Variants in BSN observed in about 807,000 individuals in gnomAD.
BSN encodes bassoon presynaptic cytomatrix protein.
A neutral mutation model predicts 264.8 loss-of-function variants in BSN; 57 were observed. The ratio of observed to expected loss-of-function variants is 0.22; its 90% CI spans 0.17 to 0.27. The LOEUF is 0.27. BSN is among the 10% of genes least tolerant of loss of function. The probability of loss-of-function intolerance (pLI) is 1.00; values close to 1 mark genes in which losing one functional copy is unlikely to be tolerated. For missense variants in BSN, 4,615 were observed against 5,232.5 expected (o/e 0.88, Z 3.64); for synonymous variants, 2,059 against 2,137.3 (o/e 0.96, Z 1.01).
chr3:49,664,762 A>G (rs1183888477), intron 9 of BSN, 37 bp from the exon 10 acceptor site: 1 of 1,613,304 alleles, frequency 6.2e-7, no homozygotes, highest in Non-Finnish European at 8.5e-7. Flanking sequence ...GGTCTGGCCC[A>G]ATTTCCTGAT....
chr3:49,585,988 A>G lies in BSN; in HGVS notation c.224+31162A>G, dbSNP rs1370104156. 6.6e-6 allele frequency among the ~76,000 whole-genome samples: 1 copy of G among 151,924 alleles called. No homozygotes were observed. The highest frequency in any genetic ancestry group is 1.5e-5 in the Non-Finnish European group (1 of 67,986). Reference sequence around the variant, plus strand: ...ATATAGTTGTTTGAGCTCCTTATATATTTTGGTTATTAATCACTTGTCAGA... The same window carrying G: ...ATATAGTTGTTTGAGCTCCTTATATGTTTTGGTTATTAATCACTTGTCAGA... On this transcript the variant is annotated intron_variant, in intron 1 of 11. Coordinates refer to ENST00000296452, the MANE Select transcript of BSN (RefSeq NM_003458.4). This position sits in a 1 kb window ranked among gnomAD's most constrained non-coding sequence, Gnocchi z 4.7.
chr3:49,656,578 C>T lies in BSN; in HGVS notation c.7022C>T (p.Ala2341Val), dbSNP rs1439871110. 7.6e-6 allele frequency: 12 copies of T among 1,588,668 alleles called. 1 individual carries two copies. The highest frequency in any genetic ancestry group is 5.3e-5 in the Admixed American group (3 of 56,726). ...GGCCAGAAGCCACCAGCAGATGCTGCTCCTGGGGGTGGCAGTGGGGCCCTC... is the reference window on the plus strand; with the variant it reads ...GGCCAGAAGCCACCAGCAGATGCTGTTCCTGGGGGTGGCAGTGGGGCCCTC... ...LAGQKPPADA[A>V]PGGGSGALSR... is the part of the protein sequence containing the mutation. Residue 2341 changes from alanine to valine, a missense_variant, in exon 5 of 12, where the codon GCT (alanine) becomes GTT (valine). By Grantham distance (64) the Ala-to-Val change is moderately conservative. Around this residue, in one of 3 missense-constraint regions of BSN, gnomAD observed 3,415 missense variants for 3,866.4 expected, o/e 0.88. Transcript: ENST00000296452.
At chr3:49,611,097 A>G (rs1236448453) in intron 1 of BSN, among the ~76,000 whole-genome samples, 4 of 152,164 alleles carry the variant, frequency 2.6e-5, no homozygotes, top group Admixed American at 2.6e-4. Flanking sequence ...TTCTGGGTCA[A>G]AGTCCTGGCT....
In BSN at chr3:49,661,291, C is replaced by T. The variant is rs755682920; in HGVS notation, c.9446C>T (p.Ser3149Leu). 26 of 1,613,776 alleles carry T rather than the reference C, an allele frequency of 1.6e-5. No homozygotes were observed. The highest frequency in any genetic ancestry group is 6.6e-5 in the South Asian group (6 of 91,092). Residue 3149 changes from serine (S) to leucine (L), a missense_variant, in exon 6 of 12, where the codon TCG becomes TTG. Coordinates refer to ENST00000296452, the MANE Select transcript of BSN (RefSeq NM_003458.4). ...CCACTGCAGAAGCCACGCCAGACAT[C>T]GCTAGCCGACTTGGAGCAGAAGGTG... ...RAPLQKPRQTSLADLEQKVPT... is the reference protein window; with the variant it reads ...RAPLQKPRQTLLADLEQKVPT...
intron 1 of BSN, among the ~76,000 whole-genome samples, chr3:49,605,765 TA>T (rs1189456169): frequency 2.8e-4 from 22 of 78,716 alleles, no homozygotes; most frequent in Admixed American, 4.9e-4. Context: ...TAAATATATA[TA>T]AAAATATATA....
chr3:49,613,303 C>CGAGAGAGAGAGAGAGAGAGAGAGAGAGA lies in BSN; in HGVS notation c.225-11653_225-11626dup, dbSNP rs752108805. Among the ~76,000 whole-genome samples, 33 of 47,344 alleles carry CGAGAGAGAGAGAGAGAGAGAGAGAGAGA rather than the reference C, an allele frequency of 7.0e-4. 9 individuals are homozygous for CGAGAGAGAGAGAGAGAGAGAGAGAGAGA. Among genetic ancestry groups the CGAGAGAGAGAGAGAGAGAGAGAGAGAGA allele is most frequent in the East Asian group, 4.2e-3 (4 of 948 alleles). The allele number at this position is 47,344 out of a possible 152,430, so 31.1% of individuals were successfully genotyped here. On this transcript the variant is annotated intron_variant, in intron 1 of 11. Coordinates refer to ENST00000296452, the MANE Select transcript of BSN (RefSeq NM_003458.4). Reference sequence around the variant, plus strand: ...TATATATATATATACACACACAGAGCGAGAGAGAGAGAGAGAGAGAGAGAG... The same window carrying CGAGAGAGAGAGAGAGAGAGAGAGAGAGA: ...TATATATATATATACACACACAGAGCGAGAGAGAGAGAGAGAGAGAGAGAGAGAGAGAGAGAGAGAGAGAGAGAGAGAG...
At chr3:49,561,822 T>C (rs1481367097) in intron 1 of BSN, among the ~76,000 whole-genome samples, 1 of 152,160 alleles carries the variant, frequency 6.6e-6, no homozygotes, top group Non-Finnish European at 1.5e-5. Context: ...TTTCTTTTTT[T>C]TTTGAGACAA....
intron 1 of BSN, among the ~76,000 whole-genome samples, chr3:49,575,524 GTA>G (rs967855074): frequency 2.7e-5 from 4 of 146,646 alleles, no homozygotes; most frequent in African/African-American, 1.0e-4. Flanking sequence ...ATATATGTGT[GTA>G]TATATGTAAA....
At chr3:49,558,171 T>C (rs2051688597) in intron 1 of BSN, among the ~76,000 whole-genome samples, 1 of 151,702 alleles carries the variant, frequency 6.6e-6, no homozygotes, top group Admixed American at 6.6e-5. Flanking sequence ...TTAGGAGAGG[T>C]AGAGATGTAA....
Position 49,661,009 on chromosome 3 carries a change from G to A in BSN, c.9164G>A (p.Arg3055His), listed in dbSNP as rs866268771. Residue 3055 changes from arginine to histidine, a missense_variant, in exon 6 of 12, where the codon CGC becomes CAC. Arg to His is a conservative substitution (Grantham distance 29). Around this residue, in one of 3 missense-constraint regions of BSN, gnomAD observed 3,415 missense variants for 3,866.4 expected, o/e 0.88. Transcript: ENST00000296452. ...GGTCCCACTGCCTTCCAGCAGCCCC[G>A]CTTCCAGCCTCCAGCCCCACAGTAT... ...PSGPTAFQQP[R>H]FQPPAPQYSA... The A allele has an allele frequency of 9.3e-6, 15 of 1,610,768 alleles. No individual in the cohort carries two copies. The African/African-American group carries it at 1.2e-4, about 13-fold the overall frequency.
chr3:49,601,226 G>A (rs775495292), intron 1 of BSN, among the ~76,000 whole-genome samples: 3 of 152,226 alleles, frequency 2.0e-5, no homozygotes, highest in Non-Finnish European at 4.4e-5. Flanking sequence ...GAGAAAGGCA[G>A]CTAGTGGCTT....
At chr3:49,593,951 C>T (rs566107898) in intron 1 of BSN, among the ~76,000 whole-genome samples, 4 of 151,726 alleles carry the variant, frequency 2.6e-5, no homozygotes, top group South Asian at 4.2e-4. Flanking sequence ...TACAGGCACC[C>T]GCCACCACGC....
chr3:49,657,076 A>G lies in BSN; in HGVS notation c.7520A>G (p.His2507Arg), dbSNP rs747503341. 4.3e-6 allele frequency: 7 copies of G among 1,609,744 alleles called. No individual in the cohort carries two copies. Among genetic ancestry groups the G allele is most frequent in the African/African-American group, 1.3e-5 (1 of 74,988 alleles). Reference protein sequence around the residue: ...QNGQYWPPLTHAAFIAMAGPE... With the variant: ...QNGQYWPPLTRAAFIAMAGPE... ...GGCCAGTATTGGCCCCCCCTTACAC[A>G]TGCAGCCTTCATTGCCATGGCAGGG... Residue 2507 changes from histidine to arginine, a missense_variant, in exon 5 of 12, where the codon CAT (histidine) becomes CGT (arginine). Around this residue, in one of 3 missense-constraint regions of BSN, gnomAD observed 3,415 missense variants for 3,866.4 expected, o/e 0.88. Coordinates refer to ENST00000296452, the MANE Select transcript of BSN (RefSeq NM_003458.4).
intron 1 of BSN, 144 bp from the exon 2 acceptor site, chr3:49,624,831 A>G (rs2052330347): frequency 1.3e-6 from 1 of 741,292 alleles, no homozygotes; most frequent in East Asian, 3.0e-5. Context: ...CACAGGACAC[A>G]GCAAATGAGG....
chr3:49,656,495 A>G lies in BSN; in HGVS notation c.6939A>G (p.Thr2313=), dbSNP rs774342297. 7 of 1,593,772 alleles carry G rather than the reference A, an allele frequency of 4.4e-6. No homozygotes were observed. The Middle Eastern group carries it at 5.0e-4, about 114-fold the overall frequency. Residue 2313 remains threonine (T), a synonymous_variant, in exon 5 of 12, where the codon ACA becomes ACG. Coordinates refer to ENST00000296452, the MANE Select transcript of BSN (RefSeq NM_003458.4). ...CTGCACGGGAAGAGCCTCTTCCCAC[A>G]ACCACCCCTGCTGCCATCAAGGAGG... ...VGAAREEPLP[T]TTPAAIKEAA...
intron 1 of BSN, among the ~76,000 whole-genome samples, chr3:49,569,721 C>T (rs937593776): frequency 6.6e-6 from 1 of 152,212 alleles, no homozygotes; most frequent in African/African-American, 2.4e-5. Context: ...TCTATTGGCT[C>T]TAGAATCTGC....
At chr3:49,672,479 CTTTT>C (rs371314787), downstream of BSN, among the ~76,000 whole-genome samples, 2 of 143,052 alleles carry the variant, frequency 1.4e-5, no homozygotes, top group Non-Finnish European at 1.5e-5. Context: ...AGTTGGGACT[CTTTT>C]TTTTTTTTTT....
chr3:49,644,283 G>T (rs974582701), intron 3 of BSN, among the ~76,000 whole-genome samples: 4 of 152,196 alleles, frequency 2.6e-5, no homozygotes, highest in African/African-American at 9.7e-5. Flanking sequence ...AGGGGTGTGC[G>T]GAGTGCAAAC....
rs753983211 is a variant in BSN at position 49,655,168 on chromosome 3, C to T, written c.5612C>T (p.Thr1871Ile). Residue 1871 changes from threonine to isoleucine, a missense_variant, in exon 5 of 12, where the codon ACA (threonine) becomes ATA (isoleucine). Physicochemically the swap from Thr to Ile is moderately conservative, Grantham distance 89. Transcript: ENST00000296452. ...GTGGTGGTGCAGATGGGAGAGGGCACAGCAGGCACTGTGACCACACTGCTC... is the reference window on the plus strand; with the variant it reads ...GTGGTGGTGCAGATGGGAGAGGGCATAGCAGGCACTGTGACCACACTGCTC... ...HTVVVQMGEGTAGTVTTLLPE... is the reference protein window; with the variant it reads ...HTVVVQMGEGIAGTVTTLLPE... 1 of 1,612,766 alleles carries T rather than the reference C, an allele frequency of 6.2e-7. No individual in the cohort carries two copies. Among genetic ancestry groups the T allele is most frequent in the East Asian group, 2.2e-5 (1 of 44,888 alleles).
Sources: gnomAD v4.1 joint callset for allele counts (sites outside exome capture counted in the v4.1 genomes callset) on GRCh38, gnomAD v4.1.1 for gene constraint, gnomAD v4.1.1 regional missense constraint, Gnocchi (gnomAD v3.1) non-coding constraint, MANE v1.5 for transcripts, NCBI Gene and HGNC (gene_info 2026-07-23, HGNC 2026-07-21) for gene names.